The following DTNB variants were observed in gnomAD, a reference collection of about 807,000 sequenced individuals.
DTNB encodes the protein DTN-B.
Under a neutral mutation model 90.7 loss-of-function variants are expected in DTNB, and 63 were observed. The observed-to-expected ratio is 0.69, with a 90% CI of 0.57 to 0.86. DTNB has a LOEUF of 0.86. Among genes scored for constraint, DTNB ranks in the 40% least tolerant of loss-of-function variants. The pLI, the probability that DTNB is intolerant of heterozygous loss-of-function variation, is 0.00. For synonymous variants in DTNB, 277 were observed against 286.7 expected, an observed-to-expected ratio of 0.97 and a Z score of 0.34; for missense variants, 744 against 807.1, an observed-to-expected ratio of 0.92 and a Z score of 0.95.
At chr2:25,418,240 C>A (rs774432710) in intron 16 of DTNB, among the ~76,000 whole-genome samples, 1 of 152,184 alleles carries the variant, frequency 6.6e-6, no homozygotes, top group Non-Finnish European at 1.5e-5. Flanking sequence ...TTCCCCCTGA[C>A]AGTCTGTCTC....
At position 25,589,663 on chromosome 2, in the gene DTNB, T is replaced by C. The variant is rs142268356; in HGVS notation, c.603+6423A>G. Among the ~76,000 whole-genome samples, 1,083 of 152,236 alleles carry C rather than the reference T, an allele frequency of 7.1e-3. 14 individuals are homozygous for C. Among genetic ancestry groups the C allele is most frequent in the African/African-American group, 0.025 (1,050 of 41,538 alleles). The stretch of plus-strand genomic sequence containing the variant: ...CTGGGATTACAGGCGTGAGCCACCA[T>C]GCCCAGCCTCAGGTTTCCTTTTCAT... On this transcript the variant is annotated intron_variant, in intron 6 of 20. Coordinates refer to ENST00000406818, the MANE Select transcript of DTNB (RefSeq NM_021907.5).
chr2:25,474,736 AGTTGAGCAAGGCCACTG>A (rs2063442308), intron 10 of DTNB, among the ~76,000 whole-genome samples: 2 of 152,276 alleles, frequency 1.3e-5, no homozygotes, highest in South Asian at 4.1e-4. Flanking sequence ...GGCAACCCTG[AGTTGAGCAAGGCCACTG>A]GTGCCATTTT....
intron 1 of DTNB, among the ~76,000 whole-genome samples, chr2:25,663,368 A>G (rs2083667854): frequency 6.6e-6 from 1 of 152,176 alleles, no homozygotes; most frequent in South Asian, 2.1e-4. Context: ...TGCTGCAATA[A>G]ACACAATGTG....
intron 8 of DTNB, among the ~76,000 whole-genome samples, chr2:25,551,021 G>A (rs1346619597): frequency 6.6e-6 from 1 of 152,152 alleles, no homozygotes; most frequent in African/African-American, 2.4e-5. Context: ...ATAAATAATG[G>A]AACTTCCACA....
chr2:25,410,632 A>G (rs979938275), intron 16 of DTNB, among the ~76,000 whole-genome samples: 10 of 152,176 alleles, frequency 6.6e-5, no homozygotes, highest in Non-Finnish European at 1.2e-4. Context: ...TGAGGTATTC[A>G]AACTTTATCA....
intron 16 of DTNB, among the ~76,000 whole-genome samples, chr2:25,392,615 C>A (rs935350193): frequency 2.0e-5 from 3 of 152,244 alleles, no homozygotes; most frequent in Non-Finnish European, 4.4e-5. Flanking sequence ...ACCATGAACA[C>A]CTTTACATGC....
intron 15 of DTNB, among the ~76,000 whole-genome samples, chr2:25,422,369 A>C (rs1488914584): frequency 6.6e-6 from 1 of 151,172 alleles, no homozygotes; most frequent in Non-Finnish European, 1.5e-5. Flanking sequence ...TCATCTGGTA[A>C]ATGTAAATGA....
At chr2:25,410,089 C>T (rs1352315199) in intron 16 of DTNB, among the ~76,000 whole-genome samples, 1 of 152,172 alleles carries the variant, frequency 6.6e-6, no homozygotes, top group East Asian at 1.9e-4. Flanking sequence ...TCTGTTAATG[C>T]TTTGCTGAGA....
chr2:25,627,736 C>CTT (rs569673438), intron 4 of DTNB, among the ~76,000 whole-genome samples: 47 of 136,090 alleles, frequency 3.5e-4, no homozygotes, highest in Admixed American at 9.6e-4. Flanking sequence ...AATAATTTTC[C>CTT]TTTTTTTTTT....
chr2:25,607,197 T>C lies in DTNB; in HGVS notation c.448+39A>G, dbSNP rs1178292159. ...ACAATATTCATTTAAAAGTCCTAAT[T>C]TGAAAATGGCATTTTTCAAATAATA... On this transcript the variant is annotated intron_variant, in intron 5 of 20. Transcript: ENST00000406818. 6.5e-6 allele frequency: 10 copies of C among 1,546,996 alleles called. No homozygotes were observed. The African/African-American group carries it at 1.4e-4, about 21-fold the overall frequency.
chr2:25,662,583 T>C (rs1023243719), intron 1 of DTNB, among the ~76,000 whole-genome samples: 7 of 151,672 alleles, frequency 4.6e-5, no homozygotes, highest in African/African-American at 7.3e-5. Context: ...GCTCCTTACA[T>C]TGGGGACCTA....
In DTNB at chr2:25,552,929, C is replaced by T. The variant is rs79459338; in HGVS notation, c.877-21332G>A. Among the ~76,000 whole-genome samples, 30 of 132,410 alleles carry T rather than the reference C, an allele frequency of 2.3e-4. No individual in the cohort carries two copies. The Admixed American group carries it at 2.7e-3, about 12-fold the overall frequency. 86.9% of individuals were successfully genotyped at this position (132,410 alleles called of 152,430 possible). ...ACTGCGGACTGCAGTGGCGCAATCT[C>T]GGCTCACTGCAAGCTCCGCTTCCCG... On this transcript the variant is annotated intron_variant, in intron 8 of 20. Transcript: ENST00000406818.
At chr2:25,407,248 C>A (rs1204833669) in intron 16 of DTNB, among the ~76,000 whole-genome samples, 1 of 152,150 alleles carries the variant, frequency 6.6e-6, no homozygotes, top group African/African-American at 2.4e-5. Context: ...CAAGAATCGT[C>A]ATTATTGAAA....
intron 14 of DTNB, among the ~76,000 whole-genome samples, chr2:25,430,828 T>C (rs1052811960): frequency 6.6e-6 from 1 of 152,210 alleles, no homozygotes; most frequent in African/African-American, 2.4e-5. Flanking sequence ...ATTTGACTAT[T>C]ACGCTTCATA....
intron 1 of DTNB, among the ~76,000 whole-genome samples, chr2:25,658,164 G>A (rs1451632073): frequency 1.3e-5 from 2 of 151,902 alleles, no homozygotes; most frequent in Non-Finnish European, 2.9e-5. Flanking sequence ...GGCTGAGGCA[G>A]GAGAATTGGT....
intron 16 of DTNB, among the ~76,000 whole-genome samples, chr2:25,408,453 C>T (rs902065830): frequency 9.7e-5 from 14 of 145,052 alleles, no homozygotes; most frequent in African/African-American, 2.1e-4. Context: ...GCAGGAGAAT[C>T]GCTGGAACCC....
intron 9 of DTNB, among the ~76,000 whole-genome samples, chr2:25,498,738 T>C (rs1301761970): frequency 6.7e-6 from 1 of 150,038 alleles, no homozygotes; most frequent in Non-Finnish European, 1.5e-5. Context: ...GTTCCAGCTA[T>C]TCAGGAGGCT....
At chr2:25,610,472 T>C (rs1185584422) in intron 4 of DTNB, among the ~76,000 whole-genome samples, 1 of 152,228 alleles carries the variant, frequency 6.6e-6, no homozygotes, top group African/African-American at 2.4e-5. Flanking sequence ...ATGCCTTTAG[T>C]TAATTCTGTA....
At chr2:25,491,902 G>GA (rs1056516532) in intron 9 of DTNB, among the ~76,000 whole-genome samples, 2,037 of 143,118 alleles carry the variant, frequency 0.014, 24 homozygotes, top group Non-Finnish European at 0.019. Context: ...TTTACAGATG[G>GA]AAAAAAAAAA....
Sources: allele counts gnomAD v4.1 joint callset (sites outside exome capture counted in the v4.1 genomes callset), GRCh38; gene constraint gnomAD v4.1.1; transcripts MANE v1.5; gene names NCBI Gene and HGNC (gene_info 2026-07-23, HGNC 2026-07-21).